BMPER: variants seen among roughly 807,000 people sequenced by gnomAD.
BMPER encodes the protein BMP binding endothelial regulator, also known as BMP-binding endothelial regulator protein.
In BMPER, 45 loss-of-function variants were observed where a neutral mutation model predicts 87.3. The ratio of observed to expected loss-of-function variants is 0.52; its 90% CI spans 0.41 to 0.66. The LOEUF is 0.66. Among genes scored for constraint, BMPER ranks in the 30% least tolerant of loss-of-function variants. The pLI is 0.00. For missense variants in BMPER, 784 were observed against 867.5 expected, an observed-to-expected ratio of 0.90 and a Z score of 1.21; for synonymous variants, 326 against 316.2, an observed-to-expected ratio of 1.03 and a Z score of -0.33.
chr7:34,129,774 C>T (rs902455573), intron 13 of BMPER, among the ~76,000 whole-genome samples: 1 of 152,132 alleles, frequency 6.6e-6, no homozygotes, highest in African/African-American at 2.4e-5. Flanking sequence ...AGTAAAACCT[C>T]ATTCTCTAGT....
rs150567985 is a variant in BMPER at position 34,058,077 on chromosome 7, T to C, written c.946T>C (p.Ser316Pro). 3.7e-6 allele frequency: 6 copies of C among 1,613,988 alleles called. No individual in the cohort carries two copies. The African/African-American group carries it at 8.0e-5, about 22-fold the overall frequency. ...KIFQDGEMWSSINCTICACVK... is the reference protein window; with the variant it reads ...KIFQDGEMWSPINCTICACVK... Reference sequence around the variant, plus strand: ...CTTGTAGGATGGAGAGATGTGGTCCTCTATCAATTGTACCATCTGTGCTTG... The same window carrying C: ...CTTGTAGGATGGAGAGATGTGGTCCCCTATCAATTGTACCATCTGTGCTTG... The change falls in exon 10 of 15, where the codon TCT becomes CCT. Residue 316 changes from serine to proline, a missense_variant. Ser to Pro is a moderately conservative substitution (Grantham distance 74). Coordinates refer to ENST00000649409, the MANE Select transcript of BMPER (RefSeq NM_001365308.1).
intron 13 of BMPER, among the ~76,000 whole-genome samples, chr7:34,119,773 T>C (rs1790214973): frequency 6.6e-6 from 1 of 152,180 alleles, no homozygotes; most frequent in African/African-American, 2.4e-5. Flanking sequence ...TATTAAAAAT[T>C]GGAGACCCTC....
At chr7:33,992,720 C>G (rs530150834) in intron 6 of BMPER, among the ~76,000 whole-genome samples, 6 of 150,558 alleles carry the variant, frequency 4.0e-5, no homozygotes, top group Admixed American at 1.3e-4. Context: ...TCTCGATGGT[C>G]TTTACATTTT....
intron 2 of BMPER, chr7:33,921,691 G>C (rs1438347244): frequency 2.1e-6 from 1 of 469,358 alleles, no homozygotes; most frequent in Admixed American, 2.4e-5. Context: ...TTCCCACAGG[G>C]ATACGCTCTG....
chr7:33,966,649 TA>T, intron 4 of BMPER, 88 bp downstream of exon 4: 1 of 1,263,682 alleles, frequency 7.9e-7, no homozygotes. Flanking sequence ...AACAAAACCC[TA>T]AAAAGGCCAA....
Position 34,052,599 on chromosome 7 carries a change from G to T in BMPER, c.786+629G>T, listed in dbSNP as rs1788175642. The stretch of plus-strand genomic sequence containing the variant: ...AAGAAGAAATACATTTATCAGGGAG[G>T]ACTTTAGGATTATTCATTAGTGAGT... On this transcript the variant is annotated intron_variant, in intron 8 of 14. Coordinates refer to ENST00000649409, the MANE Select transcript of BMPER (RefSeq NM_001365308.1). Among the ~76,000 whole-genome samples, 3 of 152,196 alleles carry T rather than the reference G, an allele frequency of 2.0e-5. No homozygotes were observed. In the South Asian group the frequency reaches 6.2e-4, roughly 32 times the overall value.
rs948218219 is a variant in BMPER, at chr7:33,974,012, G to A, written c.494-690G>A. Among the ~76,000 whole-genome samples, 10 of 152,234 alleles carry A rather than the reference G, an allele frequency of 6.6e-5. No homozygotes were observed. In the East Asian group the frequency reaches 9.7e-4, roughly 15 times the overall value. Reference sequence around the variant, plus strand: ...GGCCACAGTCCCTTTAACAGAGAGCGTGGGGCTGAAAACCCGTATGATACC... The same window carrying A: ...GGCCACAGTCCCTTTAACAGAGAGCATGGGGCTGAAAACCCGTATGATACC... On this transcript the variant is annotated intron_variant, in intron 5 of 14. Coordinates refer to ENST00000649409, the MANE Select transcript of BMPER (RefSeq NM_001365308.1).
chr7:33,993,512 C>T (rs2127928668), intron 6 of BMPER, among the ~76,000 whole-genome samples: 1 of 151,946 alleles, frequency 6.6e-6, no homozygotes, highest in African/African-American at 2.4e-5. Flanking sequence ...TCTAGTTATA[C>T]ATTCTTCTAA....
chr7:34,106,787 A>C (rs11768532), intron 13 of BMPER, among the ~76,000 whole-genome samples: 116,246 of 152,162 alleles, frequency 0.76, 45,013 homozygotes, highest in East Asian at 0.95. Flanking sequence ...CAAATAAACT[A>C]TTCCTTTCTC....
At chr7:33,945,352 G>A (rs1365867380) in intron 3 of BMPER, among the ~76,000 whole-genome samples, 1 of 147,638 alleles carries the variant, frequency 6.8e-6, no homozygotes, top group African/African-American at 2.5e-5. Context: ...CTGGATTCAA[G>A]TGATTCTCTT....
chr7:34,032,046 G>A (rs1043852177), intron 6 of BMPER, among the ~76,000 whole-genome samples: 3 of 148,948 alleles, frequency 2.0e-5, no homozygotes, highest in Non-Finnish European at 3.0e-5. Context: ...CATTTATTGA[G>A]CATTTACTAT....
intron 3 of BMPER, among the ~76,000 whole-genome samples, chr7:33,962,696 C>T (rs1785300815): frequency 6.6e-6 from 1 of 152,188 alleles, no homozygotes; most frequent in African/African-American, 2.4e-5. Flanking sequence ...TACCACACCT[C>T]CCGCTGCAGT....
intron 6 of BMPER, among the ~76,000 whole-genome samples, chr7:34,034,836 A>C (rs1787621453): frequency 1.3e-5 from 2 of 152,212 alleles, no homozygotes; most frequent in South Asian, 4.1e-4. Flanking sequence ...TGTCAGGCTC[A>C]GTCAGTAGGT....
chr7:34,086,693 T>C (rs1385578614), intron 13 of BMPER, among the ~76,000 whole-genome samples: 1 of 152,208 alleles, frequency 6.6e-6, no homozygotes, highest in East Asian at 1.9e-4. Context: ...AGGACTCTTA[T>C]TAAGACTCAG....
chr7:33,907,458 A>T (rs1357845684), intron 2 of BMPER, among the ~76,000 whole-genome samples: 1 of 152,220 alleles, frequency 6.6e-6, no homozygotes, highest in East Asian at 1.9e-4. Context: ...TGGAAGCATG[A>T]GTCGGAAAGG....
At chr7:34,097,871 G>T (rs1395535135) in intron 13 of BMPER, among the ~76,000 whole-genome samples, 1 of 152,106 alleles carries the variant, frequency 6.6e-6, no homozygotes, top group Non-Finnish European at 1.5e-5. Flanking sequence ...TTAGAGACAA[G>T]AATCCAAAGT....
chr7:33,906,783 C>T, intron 1 of BMPER, 35 bp from the exon 2 acceptor site: 1 of 1,576,200 alleles, frequency 6.3e-7, no homozygotes, highest in Non-Finnish European at 8.7e-7. Flanking sequence ...GCTAAGCTAA[C>T]TTTAAATGAA....
intron 13 of BMPER, among the ~76,000 whole-genome samples, chr7:34,137,423 C>T (rs1790747366): frequency 6.6e-6 from 1 of 152,208 alleles, no homozygotes; most frequent in African/African-American, 2.4e-5. Flanking sequence ...GGGAAAAGGT[C>T]ATGAGGTTAC....
intron 3 of BMPER, among the ~76,000 whole-genome samples, chr7:33,942,547 A>C (rs567028194): frequency 2.3e-4 from 35 of 152,288 alleles, no homozygotes; most frequent in African/African-American, 7.9e-4. Context: ...TTAAGTCTCC[A>C]CTGAGACCCT....
Sources: allele counts gnomAD v4.1 joint callset (sites outside exome capture counted in the v4.1 genomes callset), GRCh38; gene constraint gnomAD v4.1.1; transcripts MANE v1.5; gene names NCBI Gene and HGNC (gene_info 2026-07-23, HGNC 2026-07-21).